Variants in WWOX observed in about 807,000 individuals in gnomAD.
The protein encoded by WWOX is WW domain containing oxidoreductase.
Under a neutral mutation model 46.2 loss-of-function variants are expected in WWOX, and 69 were observed. The observed-to-expected ratio is 1.49, with a 90% CI of 1.23 to 1.82. The LOEUF (loss-of-function observed/expected upper bound fraction) is 1.82, where lower values mean the gene tolerates loss of function less well. Ranked by LOEUF, WWOX falls within the 40% of genes most tolerant of loss-of-function variation. The pLI is 0.00. For missense variants in WWOX, 919 were observed against 542.6 expected (o/e 1.69, Z -6.89); for synonymous variants, 359 against 202.6 (o/e 1.77, Z -6.56).
intron 5 of WWOX, among the ~76,000 whole-genome samples, chr16:78,354,118 G>C (rs1321906269): frequency 1.3e-5 from 2 of 152,076 alleles, no homozygotes. Flanking sequence ...AGTTCCAGTG[G>C]GTTCATCTGT....
intron 8 of WWOX, among the ~76,000 whole-genome samples, chr16:78,627,889 C>T (rs887151842): frequency 1.2e-4 from 19 of 152,182 alleles, no homozygotes; most frequent in East Asian, 3.9e-4. Context: ...GCAAGAATCC[C>T]GTGGATTTGG....
intron 4 of WWOX, among the ~76,000 whole-genome samples, chr16:78,120,603 A>G (rs376905352): frequency 2.0e-5 from 3 of 151,928 alleles, no homozygotes; most frequent in African/African-American, 7.3e-5. Context: ...AATTTCATGC[A>G]GGGAATCCCA....
intron 8 of WWOX, among the ~76,000 whole-genome samples, chr16:79,022,152 T>A (rs2047546666): frequency 6.6e-6 from 1 of 152,072 alleles, no homozygotes; most frequent in Admixed American, 6.5e-5. Context: ...CACCAAGCAA[T>A]TTGCTTTTGC....
At chr16:78,867,545 T>G (rs1413893211) in intron 8 of WWOX, among the ~76,000 whole-genome samples, 8 of 151,078 alleles carry the variant, frequency 5.3e-5, no homozygotes, top group South Asian at 2.1e-4. Context: ...GTGTGTGTGT[T>G]TTTGTTTTTT....
At chr16:78,795,583 G>A (rs528160609) in intron 8 of WWOX, among the ~76,000 whole-genome samples, 66 of 152,292 alleles carry the variant, frequency 4.3e-4, no homozygotes, top group African/African-American at 1.5e-3. Flanking sequence ...ACAGATTTCT[G>A]GGACAGTGCT....
rs541113106 is a variant in WWOX, at chr16:78,580,398, C to G, written c.1056+147646C>G. Reference sequence around the variant, plus strand: ...CTCCAACAGAGGATTTCAGTCAATGCTGAGCACCAATTACAGATTGATTGC... The same window carrying G: ...CTCCAACAGAGGATTTCAGTCAATGGTGAGCACCAATTACAGATTGATTGC... On this transcript the variant is annotated intron_variant, in intron 8 of 8. Transcript: ENST00000566780. Among the ~76,000 whole-genome samples, 182 of 152,290 alleles carry G rather than the reference C, an allele frequency of 1.2e-3. 1 individual carries two copies. The highest frequency in any genetic ancestry group is 4.2e-3 in the African/African-American group (175 of 41,568).
At position 78,432,730 on chromosome 16, in the gene WWOX, C is replaced by G. The variant is rs746896545; in HGVS notation, c.1034C>G (p.Ala345Gly). Residue 345 changes from alanine (A) to glycine (G), a missense_variant, in exon 8 of 9, where the codon GCG becomes GGG. By Grantham distance (60) the Ala-to-Gly change is moderately conservative (BLOSUM62 0). Coordinates refer to ENST00000566780, the MANE Select transcript of WWOX (RefSeq NM_016373.4). ...WWVYTLLFTL[A>G]RPFTKSMQQG... ...GTGTACACACTGCTGTTTACCTTGG[C>G]GAGGCCTTTCACCAAGTCCATGGTA... The G allele has an allele frequency of 6.2e-7, 1 of 1,614,158 alleles. No individual in the cohort carries two copies. The highest frequency in any genetic ancestry group is 8.5e-7 in the Non-Finnish European group (1 of 1,180,026).
chr16:79,027,387 T>A (rs1365739994), intron 8 of WWOX, among the ~76,000 whole-genome samples: 2 of 151,744 alleles, frequency 1.3e-5, no homozygotes, highest in Non-Finnish European at 2.9e-5. Context: ...TTATTATAAT[T>A]ACTTCAAGGA....
intron 8 of WWOX, among the ~76,000 whole-genome samples, chr16:79,131,697 A>G (rs1378946594): frequency 6.6e-6 from 1 of 151,732 alleles, no homozygotes; most frequent in Non-Finnish European, 1.5e-5. Context: ...TAACTTTTCA[A>G]AAACAGGACA....
At chr16:78,544,115 T>A (rs1377477721) in intron 8 of WWOX, among the ~76,000 whole-genome samples, 2 of 152,174 alleles carry the variant, frequency 1.3e-5, no homozygotes, top group Non-Finnish European at 2.9e-5. Context: ...GTGAATTAAT[T>A]TACTTGCATA....
chr16:78,334,555 G>C (rs997213098), intron 5 of WWOX, among the ~76,000 whole-genome samples: 1 of 151,996 alleles, frequency 6.6e-6, no homozygotes, highest in Admixed American at 6.6e-5. Flanking sequence ...CCATCATTCT[G>C]TTCAATTATT....
chr16:78,650,526 A>T (rs1450280171), intron 8 of WWOX, among the ~76,000 whole-genome samples: 3 of 152,208 alleles, frequency 2.0e-5, no homozygotes, highest in Admixed American at 2.0e-4. Context: ...CTAAAGCCCG[A>T]GTCGTATGAA....
chr16:78,965,457 C>G (rs2046347246), intron 8 of WWOX, among the ~76,000 whole-genome samples: 1 of 151,880 alleles, frequency 6.6e-6, no homozygotes, highest in South Asian at 2.1e-4. Context: ...GTAATCCCAG[C>G]TACTTGGGAG....
At chr16:78,109,939 C>G in intron 3 of WWOX, 104 bp downstream of exon 3, 1 of 1,206,554 alleles carries the variant, frequency 8.3e-7, no homozygotes, top group South Asian at 1.3e-5. Context: ...CAAAGTATAA[C>G]AGTGTGTATC....
chr16:78,660,812 A>G (rs569473965), intron 8 of WWOX, among the ~76,000 whole-genome samples: 24 of 152,298 alleles, frequency 1.6e-4, no homozygotes, highest in African/African-American at 5.5e-4. Context: ...TAGCCTTTTC[A>G]AAAAATGCAT....
intron 8 of WWOX, among the ~76,000 whole-genome samples, chr16:78,833,372 G>C (rs1354412964): frequency 6.6e-6 from 1 of 151,966 alleles, no homozygotes; most frequent in Non-Finnish European, 1.5e-5. Context: ...CCTGCATACA[G>C]CTTGTTTCTC....
At position 78,432,836 on chromosome 16, in the gene WWOX, C is replaced by G. The variant is rs971820235; in HGVS notation, c.1056+84C>G. On this transcript the variant is annotated intron_variant, in intron 8 of 8. Transcript: ENST00000566780. ...TGTGTCTCCACCTTTTTACCTCTTGCGGGCATGAGTCTGGTCTCAGTAATA... is the reference window on the plus strand; with the variant it reads ...TGTGTCTCCACCTTTTTACCTCTTGGGGGCATGAGTCTGGTCTCAGTAATA... The G allele has an allele frequency of 1.6e-5, 26 of 1,595,656 alleles. No individual in the cohort carries two copies. In the African/African-American group the frequency reaches 1.7e-4, roughly 11 times the overall value.
chr16:78,332,565 C>G (rs1189427262), intron 5 of WWOX, among the ~76,000 whole-genome samples: 1 of 152,270 alleles, frequency 6.6e-6, no homozygotes, highest in East Asian at 1.9e-4. Context: ...ATCCATTTGT[C>G]CACCCCAAGT....
intron 8 of WWOX, among the ~76,000 whole-genome samples, chr16:79,196,155 C>G (rs915234515): frequency 1.3e-5 from 2 of 152,208 alleles, no homozygotes; most frequent in Non-Finnish European, 2.9e-5. Flanking sequence ...AAAAATCATC[C>G]TCTTCTCTGT....
Sources: allele counts gnomAD v4.1 joint callset (sites outside exome capture counted in the v4.1 genomes callset), GRCh38; gene constraint gnomAD v4.1.1; transcripts MANE v1.5; gene names NCBI Gene and HGNC (gene_info 2026-07-23, HGNC 2026-07-21).